The following COQ10A variants were observed in gnomAD, a reference collection of about 807,000 sequenced individuals.
COQ10A encodes the protein coenzyme Q-binding protein COQ10 homolog A, mitochondrial.
In COQ10A, 25 loss-of-function variants were observed where a neutral mutation model predicts 26.1. The ratio of observed to expected loss-of-function variants is 0.96; its 90% confidence interval spans 0.70 to 1.34. The LOEUF (loss-of-function observed/expected upper bound fraction) is 1.34, where lower values mean the gene tolerates loss of function less well. Ranked by LOEUF, COQ10A falls within the 40% of genes most tolerant of loss-of-function variation. The probability of loss-of-function intolerance (pLI) is 0.00; values close to 1 mark genes in which losing one functional copy is unlikely to be tolerated. For synonymous variants in COQ10A, 132 were observed against 124.0 expected (o/e 1.06, Z -0.43); for missense variants, 312 against 335.4 (o/e 0.93, Z 0.54).
intron 2 of COQ10A, chr12:56,268,219 C>G (rs1872408423): frequency 9.7e-6 from 4 of 410,462 alleles, no homozygotes; most frequent in Non-Finnish European, 1.8e-5. Flanking sequence ...GCCTGTAATC[C>G]CAGGACTTTG....
chr12:56,270,323 G>A lies in COQ10A; in HGVS notation c.*6G>A. The A allele has an allele frequency of 2.5e-6, 4 of 1,611,984 alleles. No individual in the cohort carries two copies. Among genetic ancestry groups the A allele is most frequent in the Non-Finnish European group, 3.4e-6 (4 of 1,178,436 alleles). The stretch of plus-strand genomic sequence containing the variant: ...ATGAGGTGCACCAGACTTGAGGCAA[G>A]GGATTGCTCCCTGACCTCCCTTCTA... On this transcript the variant is annotated 3_prime_UTR_variant, in exon 5 of 5. Transcript: ENST00000308197.
At chr12:56,270,041 A>C in intron 4 of COQ10A, 109 bp from the exon 5 acceptor site, 2 of 1,118,250 alleles carry the variant, frequency 1.8e-6, no homozygotes, top group Non-Finnish European at 2.6e-6. Context: ...GGATCCACGA[A>C]CTGGATGGGG....
At chr12:56,269,993 C>T (rs1352284296) in intron 4 of COQ10A, 157 bp from the exon 5 acceptor site, 5 of 695,678 alleles carry the variant, frequency 7.2e-6, no homozygotes, top group African/African-American at 5.3e-5. Flanking sequence ...GTGTCAGACT[C>T]GTACTCCGTG....
At chr12:56,268,980 G>T (rs1404363649) in intron 2 of COQ10A, 79 bp from the exon 3 acceptor site, 26 of 1,187,250 alleles carry the variant, frequency 2.2e-5, no homozygotes, top group East Asian at 7.0e-5. Flanking sequence ...AGTGGGCAAA[G>T]GTATGAATTA....
Position 56,267,199 on chromosome 12 carries a change from G to T in COQ10A, c.81G>T (p.Pro27=), listed in dbSNP as rs1240016898. The change falls in exon 1 of 5, where the codon CCG becomes CCT. Residue 27 remains proline (P), a synonymous_variant. Transcript: ENST00000308197. ...AERCCRLSLS[P]GAQPAPPPGP... is the part of the protein sequence containing the mutation. ...GCTGCTGCCGGCTCTCGCTCAGCCC[G>T]GGCGCGCAACCGGCCCCGCCCCCAG... The T allele has an allele frequency of 5.0e-6, 7 of 1,408,116 alleles. No individual in the cohort carries two copies. The South Asian group carries it at 1.1e-4, about 22-fold the overall frequency. 87.2% of individuals were successfully genotyped at this position (1,408,116 alleles called of 1,614,324 possible).
Position 56,270,414 on chromosome 12 carries a change from T to C in COQ10A, c.*97T>C. On this transcript the variant is annotated 3_prime_UTR_variant, in exon 5 of 5. Transcript: ENST00000308197. Reference sequence around the variant, plus strand: ...CTCCTGTTCCAATTTGAAAGGAGTCTGTGTTCATAATACTGTTTCTCCTCT... The same window carrying C: ...CTCCTGTTCCAATTTGAAAGGAGTCCGTGTTCATAATACTGTTTCTCCTCT... 1 of 1,281,950 alleles carries C rather than the reference T, an allele frequency of 7.8e-7. No homozygotes were observed. The highest frequency in any genetic ancestry group is 1.1e-6 in the Non-Finnish European group (1 of 915,082). The allele number at this position is 1,281,950 out of a possible 1,614,324, so 79.4% of individuals were successfully genotyped here.
chr12:56,268,973 G>A, intron 2 of COQ10A, 86 bp from the exon 3 acceptor site: 4 of 1,102,158 alleles, frequency 3.6e-6, no homozygotes, highest in Non-Finnish European at 4.1e-6. Flanking sequence ...CGTGGTTAGT[G>A]GGCAAAGGTA....
At chr12:56,269,788 C>G in intron 4 of COQ10A, 1 of 532,558 alleles carries the variant, frequency 1.9e-6, no homozygotes, top group Non-Finnish European at 3.4e-6. Flanking sequence ...CTACCAAGCC[C>G]GACTGATTTT....
At position 56,270,411 on chromosome 12, in the gene COQ10A, GTC is replaced by G; in HGVS notation, c.*96_*97del. 1 of 1,326,230 alleles carries G rather than the reference GTC, an allele frequency of 7.5e-7. No homozygotes were observed. Among genetic ancestry groups the G allele is most frequent in the Non-Finnish European group, 1.0e-6 (1 of 953,376 alleles). 82.2% of individuals were successfully genotyped at this position (1,326,230 alleles called of 1,614,324 possible). A position where few individuals can be genotyped will look rare whatever the true frequency, so the allele number is the denominator to read the frequency against. ...TGGCTCCTGTTCCAATTTGAAAGGA[GTC>G]TGTGTTCATAATACTGTTTCTCCTC... On this transcript the variant is annotated 3_prime_UTR_variant, in exon 5 of 5. Transcript: ENST00000308197.
In COQ10A at chr12:56,270,243, CG is replaced by C. The variant is rs767262514; in HGVS notation, c.673del (p.Ala225GlnfsTer15). On this transcript the variant is annotated frameshift_variant, in exon 5 of 5. Coordinates refer to ENST00000308197, the MANE Select transcript of COQ10A (RefSeq NM_144576.4). LOFTEE classifies it high-confidence loss of function. ...ACAGAATGTTGCTGCCTTTGAGCGT[CG>C]GGCAGCCACCAAGTTTGGTCCAGAA... ...VKQNVAAFER[R>X]AATKFGPETA... 6.2e-7 allele frequency: 1 copy of C among 1,614,114 alleles called. No individual in the cohort carries two copies. The highest frequency in any genetic ancestry group is 1.7e-5 in the Admixed American group (1 of 60,014).
chr12:56,267,664 G>A (rs1160071934), intron 1 of COQ10A, 130 bp from the exon 2 acceptor site: 1 of 1,330,464 alleles, frequency 7.5e-7, no homozygotes, highest in African/African-American at 1.4e-5. Context: ...CTAGCGGGCT[G>A]CAGCAGGTGC....
chr12:56,268,885 G>C (rs549170168), intron 2 of COQ10A, 174 bp from the exon 3 acceptor site: 1 of 593,550 alleles, frequency 1.7e-6, no homozygotes, highest in African/African-American at 1.9e-5. Context: ...TAAGGTAACA[G>C]TATCATAAGG....
At position 56,267,869 on chromosome 12, in the gene COQ10A, CCGTTCCTTCATGG is replaced by C; in HGVS notation, c.211_223del (p.Arg71AspfsTer56). The C allele has an allele frequency of 6.2e-7, 1 of 1,614,192 alleles. No homozygotes were observed. The highest frequency in any genetic ancestry group is 8.5e-7 in the Non-Finnish European group (1 of 1,180,028). ...CGGCTGAGGCTGGCTTACCTTCGAGCCGTTCCTTCATGGGATTTGCTGCTCCCTTCACCAACAA... is the reference window on the plus strand; with the variant it reads ...CGGCTGAGGCTGGCTTACCTTCGAGCGATTTGCTGCTCCCTTCACCAACAA... On this transcript the variant is annotated frameshift_variant, in exon 2 of 5. Transcript: ENST00000308197. LOFTEE classifies it high-confidence loss of function.
intron 4 of COQ10A, 74 bp from the exon 5 acceptor site, chr12:56,270,074 AAC>A (rs1872468256): frequency 1.4e-6 from 2 of 1,457,054 alleles, no homozygotes; most frequent in Admixed American, 1.8e-5. Flanking sequence ...GGCACTGAGG[AAC>A]AGTTTCCTTG....
In COQ10A at chr12:56,269,108, C is replaced by A; in HGVS notation, c.331C>A (p.Arg111Ser). Reference sequence around the variant, plus strand: ...GGTGGTGTCCAACGTCCAGGAGTATCGTGAGTTTGTGCCCTGGTGTAAGAA... The same window carrying A: ...GGTGGTGTCCAACGTCCAGGAGTATAGTGAGTTTGTGCCCTGGTGTAAGAA... ...YEVVSNVQEY[R>S]EFVPWCKKSL... Residue 111 changes from arginine (R) to serine (S), a missense_variant, in exon 3 of 5, where the codon CGT (arginine) becomes AGT (serine). Transcript: ENST00000308197. The A allele has an allele frequency of 6.2e-7, 1 of 1,613,988 alleles. No homozygotes were observed. Among genetic ancestry groups the A allele is most frequent in the South Asian group, 1.1e-5 (1 of 91,066 alleles).
chr12:56,267,992 C>T, intron 2 of COQ10A, 52 bp downstream of exon 2: 1 of 1,602,552 alleles, frequency 6.2e-7, no homozygotes, highest in Non-Finnish European at 8.5e-7. Flanking sequence ...CTCCAAATAA[C>T]CCTGTCCAGG....
rs745462642 is a variant in COQ10A at position 56,269,160 on chromosome 12, G to A, written c.383G>A (p.Gly128Asp). 6.8e-6 allele frequency: 11 copies of A among 1,614,042 alleles called. No individual in the cohort carries two copies. The highest frequency in any genetic ancestry group is 9.3e-6 in the Non-Finnish European group (11 of 1,180,040). The change falls in exon 3 of 5, where the codon GGT becomes GAT. Residue 128 changes from glycine (G) to aspartate (D), a missense_variant. Transcript: ENST00000308197. ...KKSLVVSSRK[G>D]HLKAQLEVGF... ...TCTCTGGTGGTATCCAGCCGTAAGGGTCATTTGAAAGCCCAGCTGGAGGTT... is the reference window on the plus strand; with the variant it reads ...TCTCTGGTGGTATCCAGCCGTAAGGATCATTTGAAAGCCCAGCTGGAGGTT...
Position 56,270,607 on chromosome 12 carries a change from C to G in COQ10A, c.*290C>G. On this transcript the variant is annotated 3_prime_UTR_variant, in exon 5 of 5. Coordinates refer to ENST00000308197, the MANE Select transcript of COQ10A (RefSeq NM_144576.4). ...TAGAATAAGGACTATGTGGTTGTCT[C>G]TGGACCTTATCAAGACACCTTAGTG... 1 of 290,762 alleles carries G rather than the reference C, an allele frequency of 3.4e-6. No individual in the cohort carries two copies. Among genetic ancestry groups the G allele is most frequent in the Non-Finnish European group, 6.4e-6 (1 of 155,854 alleles). 18.0% of individuals were successfully genotyped at this position (290,762 alleles called of 1,614,324 possible).
rs1461391866 is a variant in COQ10A at position 56,269,239 on chromosome 12, T to A, written c.462T>A (p.Pro154=). The A allele has an allele frequency of 1.2e-6, 2 of 1,614,052 alleles. No homozygotes were observed. Among genetic ancestry groups the A allele is most frequent in the South Asian group, 2.2e-5 (2 of 91,070 alleles). The change falls in exon 3 of 5, where the codon CCT becomes CCA. Residue 154 remains proline (P), a synonymous_variant. Transcript: ENST00000308197. ...RYTSAVSMVK[P]HMVKAVCTDG... ...CCTCTGCAGTTTCCATGGTCAAACCTCACATGGTCAAGGTGAGGCCTGTAT... is the reference window on the plus strand; with the variant it reads ...CCTCTGCAGTTTCCATGGTCAAACCACACATGGTCAAGGTGAGGCCTGTAT...
Sources: gnomAD v4.1 joint callset for allele counts on GRCh38, gnomAD v4.1.1 for gene constraint, MANE v1.5 for transcripts, NCBI Gene and HGNC (gene_info 2026-07-23, HGNC 2026-07-21) for gene names.